TICAM2: variants seen among roughly 807,000 people sequenced by gnomAD.
TICAM2 encodes TIR domain containing adaptor molecule 2, also known as TIR domain-containing adapter molecule 2.
TICAM2 carries 8 observed loss-of-function variants against 7.3 expected under a neutral mutation model. That is an observed-to-expected ratio of 1.10 (90% CI 0.65 to 1.99). The LOEUF (loss-of-function observed/expected upper bound fraction) is 1.99. Ranked by LOEUF, TICAM2 falls within the 30% of genes most tolerant of loss-of-function variation. The pLI, the probability that TICAM2 is intolerant of heterozygous loss-of-function variation, is 0.00. For synonymous variants in TICAM2, 113 were observed against 99.6 expected, an observed-to-expected ratio of 1.13 and a Z score of -0.80; for missense variants, 304 against 278.8, an observed-to-expected ratio of 1.09 and a Z score of -0.65.
At chr5:115,582,019 A>T (rs866419916) in intron 1 of TICAM2, 10 of 152,222 alleles carry the variant, frequency 6.6e-5, no homozygotes, top group African/African-American at 2.4e-4. Context: ...ATATTTATTC[A>T]CCTAAGGAAA....
At chr5:115,584,855 T>C (rs1755047695) in intron 1 of TICAM2, among the ~76,000 whole-genome samples, 2 of 152,154 alleles carry the variant, frequency 1.3e-5, no homozygotes, top group African/African-American at 4.8e-5. Context: ...ATCCACTTCA[T>C]ATCTATGCAA....
In TICAM2 at chr5:115,580,619, G is replaced by C. The variant is rs758248643; in HGVS notation, c.638C>G (p.Ser213Cys). 1 of 1,593,650 alleles carries C rather than the reference G, an allele frequency of 6.3e-7. No individual in the cohort carries two copies. The highest frequency in any genetic ancestry group is 1.8e-5 in the Admixed American group (1 of 54,318). Residue 213 changes from serine to cysteine, a missense_variant, in exon 2 of 2, where the codon TCT (serine) becomes TGT (cysteine). By Grantham distance (112) the Ser-to-Cys change is moderately radical. Coordinates refer to ENST00000427199, the MANE Select transcript of TICAM2 (RefSeq NM_021649.7). ...PTQVERIFQE[S>C]VYKTQQTIWK... ...TATAGTTTGTTGTGTCTTATACACA[G>C]ACTCCTGAAAAATTCTTTCTACTTG... is the stretch of plus-strand genomic sequence containing the variant.
Position 115,580,786 on chromosome 5 carries a change from T to A in TICAM2, c.471A>T (p.Leu157=). The change falls in exon 2 of 2, where the codon CTA becomes CTT. Residue 157 remains leucine, a synonymous_variant. Coordinates refer to ENST00000427199, the MANE Select transcript of TICAM2 (RefSeq NM_021649.7). Reference sequence around the variant, plus strand: ...TATGCTGCCTGTTAACGGAGTTCATTAGGGACGTATAGAACTGGAAATTAC... The same window carrying A: ...TATGCTGCCTGTTAACGGAGTTCATAAGGGACGTATAGAACTGGAAATTAC... ...TWCNFQFYTS[L]MNSVNRQHKY... is the part of the protein sequence containing the mutation. 1.3e-6 allele frequency: 2 copies of A among 1,597,090 alleles called. No individual in the cohort carries two copies. Among genetic ancestry groups the A allele is most frequent in the Non-Finnish European group, 1.7e-6 (2 of 1,171,316 alleles).
intron 1 of TICAM2, among the ~76,000 whole-genome samples, chr5:115,597,278 T>G (rs1203500276): frequency 3.3e-5 from 5 of 152,230 alleles, no homozygotes; most frequent in Admixed American, 2.0e-4. Flanking sequence ...TTTCTCAAAC[T>G]GGCTTAGCTT....
chr5:115,595,275 T>C (rs1377396526), intron 1 of TICAM2, among the ~76,000 whole-genome samples: 1 of 152,212 alleles, frequency 6.6e-6, no homozygotes, highest in Non-Finnish European at 1.5e-5. Context: ...ATGATACTAA[T>C]ATCCTCTCTA....
At chr5:115,590,286 G>C (rs773330340) in intron 1 of TICAM2, among the ~76,000 whole-genome samples, 25 of 152,130 alleles carry the variant, frequency 1.6e-4, no homozygotes, top group Non-Finnish European at 2.9e-4. Flanking sequence ...CTCTAGTTTA[G>C]GCAACAGAGC....
chr5:115,587,014 G>T (rs1254231864), intron 1 of TICAM2, among the ~76,000 whole-genome samples: 1 of 152,082 alleles, frequency 6.6e-6, no homozygotes, highest in African/African-American at 2.4e-5. Context: ...AGCAGCACTT[G>T]AAAAAACACT....
At chr5:115,587,432 T>G (rs1366844866) in intron 1 of TICAM2, among the ~76,000 whole-genome samples, 2 of 152,190 alleles carry the variant, frequency 1.3e-5, no homozygotes, top group East Asian at 3.8e-4. Context: ...TTATAACTAT[T>G]ACTGTTGTCT....
intron 1 of TICAM2, among the ~76,000 whole-genome samples, chr5:115,583,063 A>C (rs1171397755): frequency 6.6e-6 from 1 of 152,232 alleles, no homozygotes; most frequent in Non-Finnish European, 1.5e-5. Flanking sequence ...AATGTGACAT[A>C]TATCCATCCA....
intron 1 of TICAM2, among the ~76,000 whole-genome samples, chr5:115,588,985 A>G (rs1032860347): frequency 3.3e-5 from 5 of 152,226 alleles, no homozygotes; most frequent in Admixed American, 2.0e-4. Context: ...GTAATATCTC[A>G]TAAGACACAC....
At chr5:115,583,351 A>G (rs1287274932) in intron 1 of TICAM2, among the ~76,000 whole-genome samples, 3 of 152,242 alleles carry the variant, frequency 2.0e-5, no homozygotes. Context: ...AAAGAATATG[A>G]AAAACTTCTA....
At chr5:115,597,149 A>C (rs1370662263) in intron 1 of TICAM2, among the ~76,000 whole-genome samples, 1 of 152,190 alleles carries the variant, frequency 6.6e-6, no homozygotes, top group Non-Finnish European at 1.5e-5. Flanking sequence ...CCCTGAGTAC[A>C]CACAATTTAC....
In TICAM2 at chr5:115,591,219, C is replaced by A. The variant is rs1755290253; in HGVS notation, c.-59-9904G>T. 2.6e-5 allele frequency among the ~76,000 whole-genome samples: 4 copies of A among 152,212 alleles called. 1 individual carries two copies. The South Asian group carries it at 8.3e-4, about 32-fold the overall frequency. On this transcript the variant is annotated intron_variant, in intron 1 of 1. Coordinates refer to ENST00000427199, the MANE Select transcript of TICAM2 (RefSeq NM_021649.7). ...GGAAAGCTAGTGCTGTGCTTTTTGC[C>A]CCTCATGGTTAATGAGACAAAAGTG...
intron 1 of TICAM2, among the ~76,000 whole-genome samples, chr5:115,596,888 T>A (rs1408308952): frequency 6.6e-6 from 1 of 152,078 alleles, no homozygotes; most frequent in Non-Finnish European, 1.5e-5. Context: ...CACTGCACAC[T>A]CCAGCCTGGG....
chr5:115,592,104 T>C (rs1755330607), intron 1 of TICAM2, among the ~76,000 whole-genome samples: 2 of 152,156 alleles, frequency 1.3e-5, no homozygotes, highest in Non-Finnish European at 2.9e-5. Flanking sequence ...AATGATAGCT[T>C]TAACGTGATG....
intron 1 of TICAM2, among the ~76,000 whole-genome samples, chr5:115,593,261 G>A (rs1755378276): frequency 6.6e-6 from 1 of 152,050 alleles, no homozygotes; most frequent in South Asian, 2.1e-4. Flanking sequence ...AAATAAAAGA[G>A]TCTTCTATCA....
chr5:115,581,654 T>G (rs1402494197), intron 1 of TICAM2: 11 of 207,572 alleles, frequency 5.3e-5, no homozygotes, highest in Non-Finnish European at 3.9e-5. Context: ...TATCTTTTCA[T>G]GCAGTTTAAA....
chr5:115,582,262 T>C (rs1215166905), intron 1 of TICAM2, among the ~76,000 whole-genome samples: 1 of 151,890 alleles, frequency 6.6e-6, no homozygotes, highest in African/African-American at 2.4e-5. Flanking sequence ...GCTCAAGCCA[T>C]ACTCCCACCT....
intron 1 of TICAM2, among the ~76,000 whole-genome samples, chr5:115,598,417 A>G (rs139190686): frequency 7.9e-5 from 12 of 152,350 alleles, no homozygotes; most frequent in South Asian, 6.2e-4. Context: ...GTACCAAAGG[A>G]CAGAACATTC....
Sources: allele counts gnomAD v4.1 joint callset (sites outside exome capture counted in the v4.1 genomes callset), GRCh38; gene constraint gnomAD v4.1.1; transcripts MANE v1.5; gene names NCBI Gene and HGNC (gene_info 2026-07-23, HGNC 2026-07-21).